Variants in ABCA1 observed in about 807,000 individuals in gnomAD.
ABCA1 encodes ATP binding cassette subfamily A member 1.
A neutral mutation model predicts 262.5 loss-of-function variants in ABCA1; 133 were observed. That is an observed-to-expected ratio of 0.51 (90% CI 0.44 to 0.59). The LOEUF is 0.59. Among genes scored for constraint, ABCA1 ranks in the 20% least tolerant of loss-of-function variants. ABCA1 has a pLI of 0.00. For synonymous variants in ABCA1, 1,022 were observed against 1,043.5 expected (o/e 0.98, Z 0.40); for missense variants, 2,452 against 2,777.5 (o/e 0.88, Z 2.63).
chr9:104,822,371 G>A (rs1218081590), intron 19 of ABCA1, 125 bp downstream of exon 19: 14 of 1,262,754 alleles, frequency 1.1e-5, no homozygotes, highest in South Asian at 2.4e-5. Context: ...GTTCACATTC[G>A]GCAACTCCTC....
intron 25 of ABCA1, 89 bp downstream of exon 25, chr9:104,816,054 T>G: frequency 7.0e-7 from 1 of 1,425,360 alleles, no homozygotes; most frequent in Non-Finnish European, 9.9e-7. Context: ...ACTAACTCCA[T>G]GATAATCCTG....
chr9:104,800,528 G>A lies in ABCA1; in HGVS notation c.4755C>T (p.Asp1585=). The A allele has an allele frequency of 6.2e-7, 1 of 1,613,978 alleles. No individual in the cohort carries two copies. The highest frequency in any genetic ancestry group is 8.5e-7 in the Non-Finnish European group (1 of 1,179,888). Residue 1585 remains aspartate, a synonymous_variant, in exon 35 of 50, where the codon GAC becomes GAT. Coordinates refer to ENST00000374736, the MANE Select transcript of ABCA1 (RefSeq NM_005502.4). ...GGTTTACCTTGACATTATTTTTGGTGTCCAGTCCTGTCATAAATCTTCCCA... is the reference window on the plus strand; with the variant it reads ...GGTTTACCTTGACATTATTTTTGGTATCCAGTCCTGTCATAAATCTTCCCA... The part of the protein sequence containing the change: ...NSLGRFMTGL[D]TKNNVKVWFN...
At chr9:104,788,796 A>G (rs563802068) in intron 44 of ABCA1, among the ~76,000 whole-genome samples, 1 of 152,194 alleles carries the variant, frequency 6.6e-6, no homozygotes, top group South Asian at 2.1e-4. Context: ...CTCTCTGAAC[A>G]CTTCAGTCTG....
chr9:104,923,318 T>C (rs984996656), intron 1 of ABCA1, among the ~76,000 whole-genome samples: 1 of 152,218 alleles, frequency 6.6e-6, no homozygotes, highest in Admixed American at 6.5e-5. Context: ...TAGGAAAACA[T>C]TTTGAGATCA....
chr9:104,800,389 AAT>A, intron 35 of ABCA1, 119 bp downstream of exon 35: 1 of 931,520 alleles, frequency 1.1e-6, no homozygotes, highest in Non-Finnish European at 1.7e-6. Context: ...TGGTAAAGTT[AAT>A]AGTTTGCTCT....
intron 5 of ABCA1, among the ~76,000 whole-genome samples, chr9:104,868,326 T>C (rs959211118): frequency 6.6e-6 from 1 of 152,148 alleles, no homozygotes; most frequent in Non-Finnish European, 1.5e-5. Context: ...CAATCCAGCC[T>C]GGGCAACAAG....
intron 1 of ABCA1, among the ~76,000 whole-genome samples, chr9:104,916,624 G>A (rs1841857882): frequency 6.6e-6 from 1 of 152,214 alleles, no homozygotes; most frequent in African/African-American, 2.4e-5. Context: ...AATGGCAGCT[G>A]GAGAATAAAT....
At chr9:104,855,087 G>GA (rs200926381) in intron 7 of ABCA1, 13,259 of 893,880 alleles carry the variant, frequency 0.015, 133 homozygotes, top group Middle Eastern at 0.027. Flanking sequence ...ATCTTTGGGT[G>GA]AAAAGTCTTG....
chr9:104,860,726 C>G (rs1217061994), intron 6 of ABCA1, among the ~76,000 whole-genome samples: 1 of 149,694 alleles, frequency 6.7e-6, no homozygotes, highest in African/African-American at 2.5e-5. Flanking sequence ...AACATAAACA[C>G]TAATATTATT....
intron 22 of ABCA1, 72 bp from the exon 23 acceptor site, chr9:104,818,955 C>T: frequency 1.4e-6 from 2 of 1,395,870 alleles, no homozygotes; most frequent in South Asian, 2.5e-5. Context: ...GTGACAGGGA[C>T]TAGAGAGATA....
At chr9:104,898,091 C>G (rs546156253) in intron 2 of ABCA1, among the ~76,000 whole-genome samples, 1 of 152,212 alleles carries the variant, frequency 6.6e-6, no homozygotes, top group South Asian at 2.1e-4. Flanking sequence ...TGAACACGCA[C>G]ACTAAATAAT....
At chr9:104,796,479 T>C (rs1430297806) in intron 37 of ABCA1, 55 bp from the exon 38 acceptor site, 21 of 1,360,262 alleles carry the variant, frequency 1.5e-5, no homozygotes, top group Non-Finnish European at 2.2e-5. Context: ...ATACAATGCA[T>C]CACACAAGTT....
At chr9:104,825,292 A>T (rs1832722733) in intron 17 of ABCA1, among the ~76,000 whole-genome samples, 1 of 152,218 alleles carries the variant, frequency 6.6e-6, no homozygotes, top group African/African-American at 2.4e-5. Context: ...GACCCAGTGT[A>T]ACCGAAGTGG....
At chr9:104,886,750 G>A (rs937704874) in intron 3 of ABCA1, among the ~76,000 whole-genome samples, 46 of 152,300 alleles carry the variant, frequency 3.0e-4, no homozygotes, top group African/African-American at 9.1e-4. Context: ...ATCAGGACTA[G>A]GCAGTGGGTG....
At chr9:104,872,046 T>C (rs1588466244) in intron 5 of ABCA1, among the ~76,000 whole-genome samples, 1 of 152,190 alleles carries the variant, frequency 6.6e-6, no homozygotes, top group East Asian at 1.9e-4. Flanking sequence ...TAGTTTAATT[T>C]TTTTCTAACT....
At chr9:104,876,548 C>T (rs1460341614) in intron 5 of ABCA1, among the ~76,000 whole-genome samples, 1 of 152,054 alleles carries the variant, frequency 6.6e-6, no homozygotes, top group Non-Finnish European at 1.5e-5. Flanking sequence ...GATGCCTGAG[C>T]GGAAATGTTC....
chr9:104,813,575 G>A (rs1316247152), intron 27 of ABCA1, among the ~76,000 whole-genome samples: 2 of 151,988 alleles, frequency 1.3e-5, no homozygotes, highest in East Asian at 1.9e-4. Flanking sequence ...CACCACACTC[G>A]GCTAATTTTT....
chr9:104,846,250 G>C (rs550624585), intron 7 of ABCA1, among the ~76,000 whole-genome samples: 1 of 152,346 alleles, frequency 6.6e-6, no homozygotes, highest in South Asian at 2.1e-4. Flanking sequence ...TACAGACTGT[G>C]AAGTCAGAAT....
intron 5 of ABCA1, among the ~76,000 whole-genome samples, chr9:104,875,335 G>T (rs1467236705): frequency 2.2e-5 from 3 of 138,936 alleles, no homozygotes; most frequent in African/African-American, 8.2e-5. Context: ...CTGGGCAACA[G>T]AGTGAGACTC....
Sources: allele counts gnomAD v4.1 joint callset (sites outside exome capture counted in the v4.1 genomes callset), GRCh38; gene constraint gnomAD v4.1.1; transcripts MANE v1.5; gene names NCBI Gene and HGNC (gene_info 2026-07-23, HGNC 2026-07-21).